The following ST6GALNAC3 variants were observed in gnomAD, a reference collection of about 807,000 sequenced individuals.
ST6GALNAC3 encodes the protein alpha-N-acetylgalactosaminide alpha-2,6-sialyltransferase 3.
ST6GALNAC3 carries 25 observed loss-of-function variants against 32.7 expected under a neutral mutation model. That is an observed-to-expected ratio of 0.76 (90% CI 0.56 to 1.07). The LOEUF (loss-of-function observed/expected upper bound fraction) is 1.07, where lower values mean the gene tolerates loss of function less well. Among genes scored for constraint, ST6GALNAC3 ranks in the 50% least tolerant of loss-of-function variants. The pLI is 0.00. For missense variants in ST6GALNAC3, 355 were observed against 382.4 expected (o/e 0.93, Z 0.60); for synonymous variants, 129 against 133.1 (o/e 0.97, Z 0.21).
At chr1:76,547,061 G>A (rs530559266) in intron 3 of ST6GALNAC3, among the ~76,000 whole-genome samples, 2 of 152,294 alleles carry the variant, frequency 1.3e-5, no homozygotes, top group Admixed American at 1.3e-4. Flanking sequence ...TTCTAAAATA[G>A]CCAAGAAGAA....
chr1:76,418,088 G>A (rs1005001210), intron 3 of ST6GALNAC3, among the ~76,000 whole-genome samples: 1 of 152,084 alleles, frequency 6.6e-6, no homozygotes, highest in Non-Finnish European at 1.5e-5. Context: ...AGAAATCAGC[G>A]ATGTGTCATT....
At chr1:76,133,606 C>T (rs968630013) in intron 1 of ST6GALNAC3, among the ~76,000 whole-genome samples, 3 of 152,238 alleles carry the variant, frequency 2.0e-5, no homozygotes, top group Admixed American at 6.5e-5. Flanking sequence ...CGCTGGAGAG[C>T]TGGGGACAGA....
intron 1 of ST6GALNAC3, among the ~76,000 whole-genome samples, chr1:76,082,230 A>C (rs963011937): frequency 1.3e-5 from 2 of 152,160 alleles, no homozygotes; most frequent in African/African-American, 4.8e-5. Context: ...ACAGTGGAGG[A>C]AGGCATTTTT....
At chr1:76,604,742 C>A (rs898172525) in intron 3 of ST6GALNAC3, among the ~76,000 whole-genome samples, 1 of 152,190 alleles carries the variant, frequency 6.6e-6, no homozygotes, top group African/African-American at 2.4e-5. Flanking sequence ...TGTTACTTCA[C>A]ATCCTAAAAT....
At chr1:76,363,639 A>G (rs1650139132) in intron 2 of ST6GALNAC3, among the ~76,000 whole-genome samples, 1 of 152,218 alleles carries the variant, frequency 6.6e-6, no homozygotes, top group Non-Finnish European at 1.5e-5. Context: ...ACTATAAAGT[A>G]ATACCCGAGA....
At chr1:76,414,443 T>C (rs1382885538) in intron 3 of ST6GALNAC3, among the ~76,000 whole-genome samples, 1 of 152,056 alleles carries the variant, frequency 6.6e-6, no homozygotes, top group Non-Finnish European at 1.5e-5. Flanking sequence ...AAAATGTTGA[T>C]CAAAATGACC....
At chr1:76,220,864 T>C (rs867698974) in intron 1 of ST6GALNAC3, among the ~76,000 whole-genome samples, 3 of 152,204 alleles carry the variant, frequency 2.0e-5, no homozygotes, top group African/African-American at 7.2e-5. Context: ...ATTTGCACTT[T>C]CAAAAAACAT....
intron 1 of ST6GALNAC3, among the ~76,000 whole-genome samples, chr1:76,113,235 A>T (rs1352958478): frequency 6.6e-6 from 1 of 151,750 alleles, no homozygotes; most frequent in African/African-American, 2.4e-5. Flanking sequence ...GGCACTCGGC[A>T]GGCTGAGGCA....
At chr1:76,434,991 A>G (rs1257465225) in intron 3 of ST6GALNAC3, among the ~76,000 whole-genome samples, 8 of 151,872 alleles carry the variant, frequency 5.3e-5, no homozygotes. Flanking sequence ...GGGTTTCACC[A>G]TGTTGGCCAG....
intron 1 of ST6GALNAC3, among the ~76,000 whole-genome samples, chr1:76,151,892 C>T (rs1196795677): frequency 6.6e-6 from 1 of 152,182 alleles, no homozygotes; most frequent in Non-Finnish European, 1.5e-5. Context: ...ATGATGGAGG[C>T]CCACTGTGGA....
At chr1:76,172,160 G>A (rs539798040) in intron 1 of ST6GALNAC3, among the ~76,000 whole-genome samples, 8 of 151,810 alleles carry the variant, frequency 5.3e-5, no homozygotes, top group South Asian at 2.1e-4. Context: ...TGGCTTTATC[G>A]CTGGGATGCA....
chr1:76,318,008 C>A (rs1035180152), intron 2 of ST6GALNAC3, among the ~76,000 whole-genome samples: 1 of 151,900 alleles, frequency 6.6e-6, no homozygotes, highest in African/African-American at 2.4e-5. Context: ...CCTGAAGGCC[C>A]CACATATAGT....
chr1:76,626,028 TTG>T (rs1364973411), intron 3 of ST6GALNAC3, among the ~76,000 whole-genome samples: 1 of 151,890 alleles, frequency 6.6e-6, no homozygotes, highest in Non-Finnish European at 1.5e-5. Context: ...CACTGTGAGT[TTG>T]TGTTTTTCCT....
intron 1 of ST6GALNAC3, among the ~76,000 whole-genome samples, chr1:76,275,671 T>G (rs997935751): frequency 1.3e-5 from 2 of 152,200 alleles, no homozygotes; most frequent in African/African-American, 4.8e-5. Flanking sequence ...TCCAAAAGTC[T>G]TCCTGAGTAT....
At chr1:76,271,230 A>T (rs1658826098) in intron 1 of ST6GALNAC3, among the ~76,000 whole-genome samples, 1 of 152,152 alleles carries the variant, frequency 6.6e-6, no homozygotes, top group Admixed American at 6.5e-5. Context: ...TTCCTTGCTG[A>T]GAATTTTGCG....
intron 1 of ST6GALNAC3, among the ~76,000 whole-genome samples, chr1:76,125,521 TC>T (rs1649183836): frequency 6.6e-6 from 1 of 152,186 alleles, no homozygotes; most frequent in African/African-American, 2.4e-5. Flanking sequence ...GGACTCAGAT[TC>T]ACATTGAACC....
chr1:76,341,682 C>CTTTCTTTCTTTCTTTCTTTCCTTCT (rs1411767732), intron 2 of ST6GALNAC3, among the ~76,000 whole-genome samples: 1 of 35,990 alleles, frequency 2.8e-5, no homozygotes, highest in East Asian at 1.0e-3. Context: ...TCTTTCTTTC[C>CTTTCTTTCTTTCTTTCTTTCCTTCT]TTCTTTCTTT....
At chr1:76,275,885 G>A (rs1255581151) in intron 1 of ST6GALNAC3, among the ~76,000 whole-genome samples, 1 of 152,152 alleles carries the variant, frequency 6.6e-6, no homozygotes, top group African/African-American at 2.4e-5. Flanking sequence ...CTTCAAGACT[G>A]GTTTGATTCA....
intron 3 of ST6GALNAC3, among the ~76,000 whole-genome samples, chr1:76,519,697 G>A (rs1391980583): frequency 6.6e-6 from 1 of 151,884 alleles, no homozygotes; most frequent in Non-Finnish European, 1.5e-5. Context: ...TTTGTCATCT[G>A]TACTCTTTTC....
Sources: allele counts gnomAD v4.1 joint callset (sites outside exome capture counted in the v4.1 genomes callset), GRCh38; gene constraint gnomAD v4.1.1; transcripts MANE v1.5; gene names NCBI Gene and HGNC (gene_info 2026-07-23, HGNC 2026-07-21).